Variants in HSD17B12 observed in about 807,000 individuals in gnomAD.
HSD17B12 encodes the protein very-long-chain 3-oxoacyl-CoA reductase.
A neutral mutation model predicts 39.3 loss-of-function variants in HSD17B12; 32 were observed. The ratio of observed to expected loss-of-function variants is 0.81; its 90% CI spans 0.61 to 1.09. The LOEUF is 1.09. Among genes scored for constraint, HSD17B12 ranks in the 50% least tolerant of loss-of-function variants. The probability of loss-of-function intolerance (pLI) is 0.00; values close to 1 mark genes in which losing one functional copy is unlikely to be tolerated. For missense variants in HSD17B12, 342 were observed against 382.9 expected, an observed-to-expected ratio of 0.89 and a Z score of 0.89; for synonymous variants, 150 against 146.7, an observed-to-expected ratio of 1.02 and a Z score of -0.16.
chr11:43,802,820 C>A (rs1312487055), intron 4 of HSD17B12, among the ~76,000 whole-genome samples: 1 of 152,116 alleles, frequency 6.6e-6, no homozygotes, highest in African/African-American at 2.4e-5. Context: ...GTTGATAAAC[C>A]CTGCTTTAAA....
chr11:43,771,221 A>G (rs973169559), intron 3 of HSD17B12, among the ~76,000 whole-genome samples: 1 of 152,112 alleles, frequency 6.6e-6, no homozygotes, highest in Non-Finnish European at 1.5e-5. Context: ...CTCAGCATTA[A>G]TGTTTGTGAC....
At chr11:43,764,277 A>C (rs1950577765) in intron 3 of HSD17B12, among the ~76,000 whole-genome samples, 1 of 152,152 alleles carries the variant, frequency 6.6e-6, no homozygotes, top group Non-Finnish European at 1.5e-5. Context: ...AATTTTAAAA[A>C]CTATCACTGT....
At chr11:43,826,814 A>C (rs1951247028) in intron 6 of HSD17B12, among the ~76,000 whole-genome samples, 1 of 152,220 alleles carries the variant, frequency 6.6e-6, no homozygotes, top group Non-Finnish European at 1.5e-5. Context: ...ACAGTTTGCC[A>C]AAGGAAATGT....
At chr11:43,609,453 C>A in the HSD17B12 span, among the ~76,000 whole-genome samples, 1 of 151,820 alleles carries the variant, frequency 6.6e-6, no homozygotes, top group South Asian at 2.1e-4. Context: ...GCAGCCTCAA[C>A]TTCCCAGGCT....
chr11:43,767,139 A>G (rs567915256), intron 3 of HSD17B12, among the ~76,000 whole-genome samples: 14 of 151,968 alleles, frequency 9.2e-5, no homozygotes, highest in African/African-American at 3.1e-4. Context: ...CTATGTTTGT[A>G]TGGTTTCTTT....
chr11:43,687,202 A>G (rs11037565), intron 1 of HSD17B12, among the ~76,000 whole-genome samples: 75,147 of 152,004 alleles, frequency 0.49, 18,994 homozygotes, highest in Non-Finnish European at 0.53. Flanking sequence ...GCAAAACAAC[A>G]TGTAGCAATT....
chr11:43,841,134 T>C (rs542887705), intron 9 of HSD17B12, among the ~76,000 whole-genome samples: 15 of 152,304 alleles, frequency 9.8e-5, no homozygotes, highest in African/African-American at 3.6e-4. Flanking sequence ...ATTAGTGATA[T>C]TGAGCATTTT....
chr11:43,720,511 G>A (rs1309076668), intron 1 of HSD17B12, among the ~76,000 whole-genome samples: 1 of 152,174 alleles, frequency 6.6e-6, no homozygotes, highest in South Asian at 2.1e-4. Flanking sequence ...GCTAACAACT[G>A]ACTTTCCACT....
the HSD17B12 span, among the ~76,000 whole-genome samples, chr11:43,651,747 T>C: frequency 1.3e-5 from 2 of 152,068 alleles, no homozygotes; most frequent in African/African-American, 2.4e-5. Flanking sequence ...CATCCAGTTA[T>C]TTTTTACTTT....
At chr11:43,785,092 C>A (rs1441970082) in intron 3 of HSD17B12, among the ~76,000 whole-genome samples, 1 of 96,078 alleles carries the variant, frequency 1.0e-5, no homozygotes, top group Non-Finnish European at 2.5e-5. Context: ...GCTAAGTAAA[C>A]AGGGTTTTTT....
chr11:43,848,282 C>G (rs1451980748), intron 9 of HSD17B12: 1 of 152,156 alleles, frequency 6.6e-6, no homozygotes, highest in African/African-American at 2.4e-5. Flanking sequence ...TCCCTTCCAA[C>G]CAGCTGAATC....
At chr11:43,734,543 C>T (rs1008745196) in intron 1 of HSD17B12, 8 of 568,860 alleles carry the variant, frequency 1.4e-5, no homozygotes, top group Admixed American at 9.1e-5. Flanking sequence ...CAGGGCAGTC[C>T]GTGCCCCTCC....
chr11:43,655,576 T>A, the HSD17B12 span, among the ~76,000 whole-genome samples: 1 of 152,310 alleles, frequency 6.6e-6, no homozygotes, highest in South Asian at 2.1e-4. Flanking sequence ...TTGAGATACG[T>A]CCCATCAATA....
intron 3 of HSD17B12, among the ~76,000 whole-genome samples, chr11:43,794,167 A>G (rs4755213): frequency 0.31 from 47,885 of 152,102 alleles, 9,477 homozygotes; most frequent in East Asian, 0.68. Context: ...ACTATATGTA[A>G]CCACAACTGT....
intron 4 of HSD17B12, among the ~76,000 whole-genome samples, chr11:43,799,009 T>C (rs1950940875): frequency 6.6e-6 from 1 of 152,144 alleles, no homozygotes; most frequent in South Asian, 2.1e-4. Flanking sequence ...TCACAGATAA[T>C]AGGACTGATG....
At chr11:43,814,202 G>C (rs1233532319) in intron 4 of HSD17B12, among the ~76,000 whole-genome samples, 3 of 151,678 alleles carry the variant, frequency 2.0e-5, no homozygotes, top group South Asian at 2.1e-4. Flanking sequence ...ATAAAGGTGT[G>C]TGAAGGTTTT....
rs1390931676 is a variant in HSD17B12, at chr11:43,680,749, C to A, written c.-79C>A. Reference sequence around the variant, plus strand: ...CAGCGCCTATTAGTGTCATCCTCACCGTCACGGCCGGCGCCTCCTCCTGGA... The same window carrying A: ...CAGCGCCTATTAGTGTCATCCTCACAGTCACGGCCGGCGCCTCCTCCTGGA... On this transcript the variant is annotated 5_prime_UTR_variant, in exon 1 of 11. Transcript: ENST00000278353. 7 of 1,313,676 alleles carry A rather than the reference C, an allele frequency of 5.3e-6. No homozygotes were observed. The highest frequency in any genetic ancestry group is 1.7e-5 in the Admixed American group (1 of 58,780). The allele number at this position is 1,313,676 out of a possible 1,614,324, so 81.4% of individuals were successfully genotyped here.
In HSD17B12 at chr11:43,680,770, C is replaced by T. The variant is rs957533993; in HGVS notation, c.-58C>T. 1 of 1,514,564 alleles carries T rather than the reference C, an allele frequency of 6.6e-7. No homozygotes were observed. Among genetic ancestry groups the T allele is most frequent in the African/African-American group, 1.4e-5 (1 of 73,052 alleles). The allele number at this position is 1,514,564 out of a possible 1,614,324, so 93.8% of individuals were successfully genotyped here. On this transcript the variant is annotated 5_prime_UTR_variant, in exon 1 of 11. Transcript: ENST00000278353. ...TCACCGTCACGGCCGGCGCCTCCTC[C>T]TGGATTCATTCACTCGCTCTTTTCA...
At chr11:43,817,702 G>A (rs570835515) in intron 6 of HSD17B12, among the ~76,000 whole-genome samples, 8 of 152,112 alleles carry the variant, frequency 5.3e-5, no homozygotes, top group Admixed American at 2.6e-4. Context: ...GTTGGTCTAC[G>A]TGCCTATTTT....
Sources: gnomAD v4.1 joint callset for allele counts (sites outside exome capture counted in the v4.1 genomes callset) on GRCh38, gnomAD v4.1.1 for gene constraint, MANE v1.5 for transcripts, NCBI Gene and HGNC (gene_info 2026-07-23, HGNC 2026-07-21) for gene names.